The following TAF3 variants were observed in gnomAD, a reference collection of about 807,000 sequenced individuals.
The protein encoded by TAF3 is TATA-box binding protein associated factor 3, also known as transcription initiation factor TFIID subunit 3.
In TAF3, 7 loss-of-function variants were observed where a neutral mutation model predicts 80.6. That is an observed-to-expected ratio of 0.09 (90% CI 0.05 to 0.16). The LOEUF is 0.16. TAF3 is among the 10% of genes least tolerant of loss of function. The pLI is 1.00. For missense variants in TAF3, 921 were observed against 1,140.2 expected (o/e 0.81, Z 2.77); for synonymous variants, 444 against 446.1 (o/e 1.00, Z 0.06).
chr10:7,964,547 C>T lies in TAF3; in HGVS notation c.1037C>T (p.Ala346Val). Reference protein sequence around the residue: ...RPETPNRTPSATLSEKISKET... With the variant: ...RPETPNRTPSVTLSEKISKET... ...GAAACGCCCAACAGGACTCCTTCAG[C>T]TACACTCAGTGAAAAAATCAGTAAA... Residue 346 changes from alanine to valine, a missense_variant, in exon 3 of 7, where the codon GCT becomes GTT. Around this residue, in one of 6 missense-constraint regions of TAF3, gnomAD observed 743 missense variants for 821.0 expected, o/e 0.90. Coordinates refer to ENST00000344293, the MANE Select transcript of TAF3 (RefSeq NM_031923.4). The surrounding 1 kb of genome is among the most constrained non-coding windows in gnomAD (Gnocchi z 4.1). 1 of 1,613,886 alleles carries T rather than the reference C, an allele frequency of 6.2e-7. No individual in the cohort carries two copies. Among genetic ancestry groups the T allele is most frequent in the Non-Finnish European group, 8.5e-7 (1 of 1,179,910 alleles).
chr10:7,840,157 G>GTTT (rs151164265), intron 2 of TAF3, among the ~76,000 whole-genome samples: 1 of 144,800 alleles, frequency 6.9e-6, no homozygotes, highest in African/African-American at 2.5e-5. Flanking sequence ...GAAAATGAGT[G>GTTT]TTTTTTTTTT....
At chr10:7,875,799 A>G (rs1181015717) in intron 2 of TAF3, among the ~76,000 whole-genome samples, 1 of 152,144 alleles carries the variant, frequency 6.6e-6, no homozygotes, top group Admixed American at 6.6e-5. Flanking sequence ...ATAAATTGCA[A>G]AAAGTGGCAA....
intron 2 of TAF3, among the ~76,000 whole-genome samples, chr10:7,940,373 TATA>T (rs1337024787): frequency 6.6e-6 from 1 of 152,260 alleles, no homozygotes; most frequent in Admixed American, 6.5e-5. Context: ...ATGCCATGCA[TATA>T]ATAACTATCT....
At chr10:7,849,086 A>G (rs919465035) in intron 2 of TAF3, among the ~76,000 whole-genome samples, 3 of 152,216 alleles carry the variant, frequency 2.0e-5, no homozygotes, top group Non-Finnish European at 4.4e-5. Flanking sequence ...AACCGCAACA[A>G]CACTTACATG....
rs779517111 is a variant in TAF3 at position 7,997,823 on chromosome 10, C to T, written c.2316-11255C>T. 1.2e-4 allele frequency among the ~76,000 whole-genome samples: 18 copies of T among 152,138 alleles called. 1 individual carries two copies. Among genetic ancestry groups the T allele is most frequent in the Middle Eastern group, 3.4e-3 (1 of 294 alleles). The stretch of plus-strand genomic sequence containing the variant: ...CTTCAGAGAGAAAAATATAGAGAAG[C>T]AAAGCACCGTCTAGAAGTATGAAAC... On this transcript the variant is annotated intron_variant, in intron 4 of 6. Transcript: ENST00000344293.
chr10:8,002,747 C>T (rs1406970769), intron 4 of TAF3, among the ~76,000 whole-genome samples: 5 of 152,082 alleles, frequency 3.3e-5, no homozygotes, highest in African/African-American at 1.2e-4. Context: ...GGTTTTTTGA[C>T]TGCTTATTCT....
At chr10:7,956,668 G>A (rs146049799) in intron 2 of TAF3, among the ~76,000 whole-genome samples, 2 of 152,148 alleles carry the variant, frequency 1.3e-5, no homozygotes, top group African/African-American at 4.8e-5. Flanking sequence ...CTGTGGTGAT[G>A]AATTTGTGCT....
At chr10:7,903,868 G>A (rs577076251) in intron 2 of TAF3, among the ~76,000 whole-genome samples, 9 of 152,050 alleles carry the variant, frequency 5.9e-5, no homozygotes, top group East Asian at 5.8e-4. Context: ...ACAGTCTCTC[G>A]GGGGACATAA....
intron 2 of TAF3, among the ~76,000 whole-genome samples, chr10:7,838,625 A>G (rs934168256): frequency 6.6e-6 from 1 of 152,048 alleles, no homozygotes; most frequent in African/African-American, 2.4e-5. Context: ...CAGGTGATCC[A>G]CCCACCTAGG....
chr10:7,840,477 C>T (rs192641272), intron 2 of TAF3, among the ~76,000 whole-genome samples: 16 of 150,334 alleles, frequency 1.1e-4, no homozygotes, highest in Admixed American at 6.0e-4. Context: ...TTGATATTTA[C>T]TATAAACACC....
intron 2 of TAF3, among the ~76,000 whole-genome samples, chr10:7,834,614 A>G (rs748682818): frequency 2.6e-5 from 4 of 152,158 alleles, no homozygotes; most frequent in African/African-American, 4.8e-5. Context: ...AGATTTTCCA[A>G]TTCATATTTA....
At chr10:7,944,646 G>A (rs997629067) in intron 2 of TAF3, among the ~76,000 whole-genome samples, 2 of 152,076 alleles carry the variant, frequency 1.3e-5, no homozygotes, top group African/African-American at 4.8e-5. Flanking sequence ...GGTCAGTAAT[G>A]GAATACAAAG....
chr10:7,851,185 A>G lies in TAF3; in HGVS notation c.409+26625A>G, dbSNP rs548989720. 1.4e-4 allele frequency among the ~76,000 whole-genome samples: 21 copies of G among 152,370 alleles called. No individual in the cohort carries two copies. In the South Asian group the frequency reaches 4.1e-3, roughly 30 times the overall value. On this transcript the variant is annotated intron_variant, in intron 2 of 6. Coordinates refer to ENST00000344293, the MANE Select transcript of TAF3 (RefSeq NM_031923.4). ...GTGGGAAGGAAAGTTGCAATTAAAA[A>G]TATGCTAGTCAGGGGAACTAGTGAG...
chr10:7,915,996 A>AT (rs1837708264), intron 2 of TAF3, among the ~76,000 whole-genome samples: 1 of 151,852 alleles, frequency 6.6e-6, no homozygotes, highest in East Asian at 1.9e-4. Context: ...AAAAAAAAAA[A>AT]CCATGTAGTT....
intron 2 of TAF3, among the ~76,000 whole-genome samples, chr10:7,886,346 C>T (rs1837408818): frequency 6.6e-6 from 1 of 152,204 alleles, no homozygotes; most frequent in Non-Finnish European, 1.5e-5. Flanking sequence ...CTCCAAACCC[C>T]CTTCTGCATG....
At chr10:7,847,744 A>G (rs114571316) in intron 2 of TAF3, among the ~76,000 whole-genome samples, 4 of 148,128 alleles carry the variant, frequency 2.7e-5, no homozygotes, top group East Asian at 4.1e-4. Flanking sequence ...CATGCCTGGT[A>G]TGTTTAGATT....
At chr10:7,828,338 G>C (rs1052005774) in intron 2 of TAF3, among the ~76,000 whole-genome samples, 2 of 152,240 alleles carry the variant, frequency 1.3e-5, no homozygotes, top group Non-Finnish European at 2.9e-5. Context: ...ATAGGTACTT[G>C]ACTGAGGAGC....
chr10:7,956,133 A>G (rs1838133066), intron 2 of TAF3, among the ~76,000 whole-genome samples: 1 of 152,124 alleles, frequency 6.6e-6, no homozygotes, highest in African/African-American at 2.4e-5. Flanking sequence ...GTTATAGGGT[A>G]TTCATGAATT....
intron 2 of TAF3, among the ~76,000 whole-genome samples, chr10:7,922,247 G>C (rs1837769329): frequency 6.6e-6 from 1 of 152,012 alleles, no homozygotes; most frequent in Admixed American, 6.6e-5. Flanking sequence ...CTGCACTAAT[G>C]TTAATTGTGA....
Sources: allele counts gnomAD v4.1 joint callset (sites outside exome capture counted in the v4.1 genomes callset), GRCh38; gene constraint gnomAD v4.1.1; regional missense constraint gnomAD v4.1.1; non-coding constraint Gnocchi (gnomAD v3.1); transcripts MANE v1.5; gene names NCBI Gene and HGNC (gene_info 2026-07-23, HGNC 2026-07-21).